Variants in SLC29A3 observed in about 807,000 individuals in gnomAD.
SLC29A3 encodes the protein equilibrative nucleoside transporter 3.
A neutral mutation model predicts 25.4 loss-of-function variants in SLC29A3; 18 were observed. That is an observed-to-expected ratio of 0.71 (90% CI 0.49 to 1.05). The LOEUF (loss-of-function observed/expected upper bound fraction) is 1.05, where lower values mean the gene tolerates loss of function less well. Ranked by LOEUF, SLC29A3 falls within the 50% of genes least tolerant of loss-of-function variation. SLC29A3 has a pLI of 0.00. For missense variants in SLC29A3, 586 were observed against 609.0 expected (o/e 0.96, Z 0.40); for synonymous variants, 258 against 267.1 (o/e 0.97, Z 0.33).
intron 3 of SLC29A3, among the ~76,000 whole-genome samples, chr10:71,371,890 G>A (rs898887364): frequency 6.6e-6 from 1 of 152,240 alleles, no homozygotes; most frequent in Non-Finnish European, 1.5e-5. Context: ...CAATGAGGAA[G>A]AACGACAGAA....
rs117248335 is a variant in SLC29A3 at position 71,343,957 on chromosome 10, C to T, written c.301-252C>T. Among the ~76,000 whole-genome samples, 829 of 152,292 alleles carry T rather than the reference C, an allele frequency of 5.4e-3. 4 individuals are homozygous for T. Among genetic ancestry groups the T allele is most frequent in the Admixed American group, 7.1e-3 (108 of 15,306 alleles). On this transcript the variant is annotated intron_variant, in intron 2 of 5. Coordinates refer to ENST00000373189, the MANE Select transcript of SLC29A3 (RefSeq NM_018344.6). ...CCAAGGGCCTCACTGGGGACAGGAA[C>T]GACTTATCCTTCCTATGCCTCTAGC...
intron 1 of SLC29A3, chr10:71,319,687 G>A (rs893339538): frequency 1.4e-4 from 31 of 225,962 alleles, no homozygotes; most frequent in Admixed American, 6.4e-4. Flanking sequence ...CGGTTCTGCC[G>A]CGGCCAGTAG....
At chr10:71,343,989 T>C (rs1343632144) in intron 2 of SLC29A3, among the ~76,000 whole-genome samples, 1 of 152,202 alleles carries the variant, frequency 6.6e-6, no homozygotes, top group Non-Finnish European at 1.5e-5. Flanking sequence ...TAGCACTTAG[T>C]ACAGCTGACA....
At chr10:71,329,054 A>G (rs1846053502) in intron 2 of SLC29A3, among the ~76,000 whole-genome samples, 1 of 152,230 alleles carries the variant, frequency 6.6e-6, no homozygotes, top group Admixed American at 6.5e-5. Flanking sequence ...AGTCCCTGCC[A>G]TGCAGCCTGT....
intron 3 of SLC29A3, among the ~76,000 whole-genome samples, chr10:71,370,881 G>T (rs1847206922): frequency 6.6e-6 from 1 of 152,036 alleles, no homozygotes; most frequent in Admixed American, 6.6e-5. Flanking sequence ...GGGCAATTGG[G>T]ATAGCCATCA....
At chr10:71,353,547 A>G (rs949291256) in intron 4 of SLC29A3, among the ~76,000 whole-genome samples, 3 of 152,148 alleles carry the variant, frequency 2.0e-5, no homozygotes, top group African/African-American at 7.2e-5. Context: ...TGGATTTTTC[A>G]GAAAGTCCGT....
intron 3 of SLC29A3, among the ~76,000 whole-genome samples, chr10:71,374,631 G>A (rs549737644): frequency 5.9e-5 from 9 of 152,154 alleles, no homozygotes; most frequent in Admixed American, 1.3e-4. Context: ...ATCCTGGAAG[G>A]GTGCAGGTCC....
At chr10:71,319,800 T>G in intron 1 of SLC29A3, 1 of 154,760 alleles carries the variant, frequency 6.5e-6, no homozygotes. Flanking sequence ...GCGAGCCACC[T>G]AGCCAGAGTC....
downstream of SLC29A3, among the ~76,000 whole-genome samples, chr10:71,367,739 G>A (rs1233621878): frequency 6.6e-6 from 1 of 152,206 alleles, no homozygotes; most frequent in Non-Finnish European, 1.5e-5. Flanking sequence ...TGACCCATTG[G>A]CCCTGTGCTC....
Position 71,351,584 on chromosome 10 carries a change from C to T in SLC29A3, c.406C>T (p.Leu136=). ...VNRVAVHIRV[L]ASLTVILAIF... is the part of the protein sequence containing the mutation. Reference sequence around the variant, plus strand: ...CAGGGTTGCAGTCCACATCCGTGTCCTGGCCTCACTGACGGTCATCCTGGC... The same window carrying T: ...CAGGGTTGCAGTCCACATCCGTGTCTTGGCCTCACTGACGGTCATCCTGGC... The change falls in exon 4 of 6, where the codon CTG becomes TTG. Residue 136 remains leucine (L), a synonymous_variant. Coordinates refer to ENST00000373189, the MANE Select transcript of SLC29A3 (RefSeq NM_018344.6). The T allele has an allele frequency of 6.2e-7, 1 of 1,614,244 alleles. No individual in the cohort carries two copies.
chr10:71,374,508 G>T (rs369725792), intron 3 of SLC29A3, among the ~76,000 whole-genome samples: 6 of 151,814 alleles, frequency 4.0e-5, no homozygotes, highest in East Asian at 3.8e-4. Context: ...AAGCCAAGAG[G>T]CTCCATGTTG....
At chr10:71,363,568 A>T (rs1357015026), downstream of SLC29A3, among the ~76,000 whole-genome samples, 1 of 146,046 alleles carries the variant, frequency 6.8e-6, no homozygotes, top group African/African-American at 2.5e-5. Flanking sequence ...GGCTCCAGTG[A>T]TCTTCCAGCC....
At chr10:71,337,476 G>T (rs990205020) in intron 2 of SLC29A3, among the ~76,000 whole-genome samples, 37 of 152,208 alleles carry the variant, frequency 2.4e-4, no homozygotes, top group Admixed American at 1.2e-3. Context: ...TCCAGGTAAC[G>T]CTCTGCTGCC....
At position 71,356,161 on chromosome 10, in the gene SLC29A3, C is replaced by T; in HGVS notation, c.691C>T (p.Leu231=). Reference sequence around the variant, plus strand: ...ATCCAGTGATGTGAGGAACAGCGCCCTGGCCTTCTTCCTGACGGCCACTGT... The same window carrying T: ...ATCCAGTGATGTGAGGAACAGCGCCTTGGCCTTCTTCCTGACGGCCACTGT... ...AASSDVRNSA[L]AFFLTATVFL... is the part of the protein sequence containing the mutation. The change falls in exon 5 of 6, where the codon CTG becomes TTG. Residue 231 remains leucine, a synonymous_variant. Coordinates refer to ENST00000373189, the MANE Select transcript of SLC29A3 (RefSeq NM_018344.6). 6.2e-7 allele frequency: 1 copy of T among 1,614,192 alleles called. No homozygotes were observed. The highest frequency in any genetic ancestry group is 1.1e-5 in the South Asian group (1 of 91,088).
At chr10:71,338,478 C>T (rs544493318) in intron 2 of SLC29A3, among the ~76,000 whole-genome samples, 6 of 152,238 alleles carry the variant, frequency 3.9e-5, no homozygotes, top group South Asian at 2.1e-4. Flanking sequence ...AAACCCTGGC[C>T]GGGCACCATG....
At chr10:71,327,432 G>A (rs970411400) in intron 2 of SLC29A3, among the ~76,000 whole-genome samples, 1 of 152,188 alleles carries the variant, frequency 6.6e-6, no homozygotes, top group African/African-American at 2.4e-5. Flanking sequence ...GATGGCACAG[G>A]GGCCTGCAAC....
chr10:71,367,205 T>G (rs1443308155), downstream of SLC29A3, among the ~76,000 whole-genome samples: 1 of 62,164 alleles, frequency 1.6e-5, no homozygotes, highest in Non-Finnish European at 5.4e-5. Flanking sequence ...GCCGTGGTGA[T>G]GGTAGAGCCT....
In SLC29A3 at chr10:71,362,674, TG is replaced by T; in HGVS notation, c.*71del. On this transcript the variant is annotated 3_prime_UTR_variant, in exon 6 of 6. Coordinates refer to ENST00000373189, the MANE Select transcript of SLC29A3 (RefSeq NM_018344.6). Reference sequence around the variant, plus strand: ...AGATGAGAAGAGAGTGCAGGAGGGCTGGGGGCCATGGAGGAAAGGCCTAAAG... The same window carrying T: ...AGATGAGAAGAGAGTGCAGGAGGGCTGGGGCCATGGAGGAAAGGCCTAAAG... 4 of 1,603,748 alleles carry T rather than the reference TG, an allele frequency of 2.5e-6. No individual in the cohort carries two copies. Among genetic ancestry groups the T allele is most frequent in the Admixed American group, 1.7e-5 (1 of 59,842 alleles).
intron 3 of SLC29A3, among the ~76,000 whole-genome samples, chr10:71,348,544 G>A (rs1276127822): frequency 1.3e-5 from 2 of 152,198 alleles, no homozygotes; most frequent in African/African-American, 4.8e-5. Context: ...GGGTGGGACA[G>A]CTCCAGCTGC....
Sources: gnomAD v4.1 joint callset for allele counts (sites outside exome capture counted in the v4.1 genomes callset) on GRCh38, gnomAD v4.1.1 for gene constraint, MANE v1.5 for transcripts, NCBI Gene and HGNC (gene_info 2026-07-23, HGNC 2026-07-21) for gene names.